The following SLC14A2 variants were observed in gnomAD, a reference collection of about 807,000 sequenced individuals.
The protein encoded by SLC14A2 is urea transporter 2.
In SLC14A2, 91 loss-of-function variants were observed where a neutral mutation model predicts 104.6. The observed-to-expected ratio is 0.87, with a 90% CI of 0.73 to 1.04. SLC14A2 has a LOEUF of 1.04. Ranked by LOEUF, SLC14A2 falls within the 50% of genes least tolerant of loss-of-function variation. SLC14A2 has a pLI of 0.00. For missense variants in SLC14A2, 1,189 were observed against 1,156.0 expected (o/e 1.03, Z -0.41); for synonymous variants, 476 against 466.4 (o/e 1.02, Z -0.27).
intron 2 of SLC14A2, among the ~76,000 whole-genome samples, chr18:45,494,648 C>T (rs147458639): frequency 1.3e-5 from 2 of 152,110 alleles, no homozygotes; most frequent in African/African-American, 4.8e-5. Flanking sequence ...GTTGATCTGC[C>T]TGCCTCAGTC....
intron 1 of SLC14A2, among the ~76,000 whole-genome samples, chr18:45,476,982 G>A (rs1369210320): frequency 6.6e-6 from 1 of 152,164 alleles, no homozygotes; most frequent in African/African-American, 2.4e-5. Flanking sequence ...GCCTACTTCT[G>A]TCAATTCATC....
intron 1 of SLC14A2, among the ~76,000 whole-genome samples, chr18:45,358,253 A>G (rs1034335381): frequency 1.3e-5 from 2 of 152,038 alleles, no homozygotes. Flanking sequence ...TTGCAGCCAC[A>G]CTCTCTAATG....
intron 1 of SLC14A2, among the ~76,000 whole-genome samples, chr18:45,313,631 C>T (rs1029459769): frequency 1.3e-5 from 2 of 152,150 alleles, no homozygotes; most frequent in Non-Finnish European, 2.9e-5. Context: ...AGCTACAGTG[C>T]CTCAGTTTCC....
At chr18:45,267,790 A>G (rs1036248463) in intron 1 of SLC14A2, among the ~76,000 whole-genome samples, 5 of 152,182 alleles carry the variant, frequency 3.3e-5, no homozygotes, top group African/African-American at 1.2e-4. Flanking sequence ...CACTGAGGAC[A>G]CTTAGATTGC....
intron 1 of SLC14A2, among the ~76,000 whole-genome samples, chr18:45,233,264 G>GAA (rs2084192895): frequency 6.6e-6 from 1 of 152,134 alleles, no homozygotes; most frequent in African/African-American, 2.4e-5. Flanking sequence ...TTCACAAGTT[G>GAA]ACCTCTTAAG....
chr18:45,383,401 G>A (rs926062779), intron 1 of SLC14A2, among the ~76,000 whole-genome samples: 1 of 152,148 alleles, frequency 6.6e-6, no homozygotes, highest in Non-Finnish European at 1.5e-5. Flanking sequence ...CAAGCTCATA[G>A]AATCCCAAAG....
In SLC14A2 at chr18:45,673,764, G is replaced by T; in HGVS notation, c.2459G>T (p.Gly820Val). 1.2e-6 allele frequency: 2 copies of T among 1,614,202 alleles called. No individual in the cohort carries two copies. The highest frequency in any genetic ancestry group is 1.7e-6 in the Non-Finnish European group (2 of 1,180,022). ...FNSTLACIAI[G>V]GMFYVITWQT... ...AGCACCCTCGCATGCATAGCGATAG[G>T]AGGCATGTTCTACGTCATCACCTGG... is the stretch of plus-strand genomic sequence containing the variant. The change falls in exon 18 of 20, where the codon GGA becomes GTA. Residue 820 changes from glycine to valine, a missense_variant. Gly to Val is a moderately radical substitution (Grantham distance 109). Coordinates refer to ENST00000255226, the MANE Select transcript of SLC14A2 (RefSeq NM_007163.4).
chr18:45,223,572 T>C (rs370442273), intron 1 of SLC14A2, among the ~76,000 whole-genome samples: 3 of 152,238 alleles, frequency 2.0e-5, no homozygotes, highest in East Asian at 3.8e-4. Flanking sequence ...GTTTTCATGA[T>C]GTGTGTGTTG....
intron 1 of SLC14A2, among the ~76,000 whole-genome samples, chr18:45,405,355 T>C (rs529427858): frequency 6.6e-6 from 1 of 152,184 alleles, no homozygotes; most frequent in Non-Finnish European, 1.5e-5. Context: ...CTAGGCACTA[T>C]GTACCTCAGT....
At chr18:45,367,555 A>G (rs1307400529) in intron 1 of SLC14A2, among the ~76,000 whole-genome samples, 2 of 152,244 alleles carry the variant, frequency 1.3e-5, no homozygotes, top group Non-Finnish European at 2.9e-5. Context: ...CAACATTTTA[A>G]TGGCCTCATG....
At chr18:45,601,823 T>C (rs2044794749) in intron 2 of SLC14A2, among the ~76,000 whole-genome samples, 1 of 152,242 alleles carries the variant, frequency 6.6e-6, no homozygotes, top group Non-Finnish European at 1.5e-5. Flanking sequence ...AATCTTTAAG[T>C]CTTTTCAGCT....
chr18:45,427,274 A>G (rs2086447706), intron 1 of SLC14A2, among the ~76,000 whole-genome samples: 1 of 151,850 alleles, frequency 6.6e-6, no homozygotes, highest in African/African-American at 2.4e-5. Flanking sequence ...GGGAAAAAAA[A>G]AAGGACTCTC....
At chr18:45,211,468 C>T (rs1407368433), upstream of SLC14A2, among the ~76,000 whole-genome samples, 1 of 152,128 alleles carries the variant, frequency 6.6e-6, no homozygotes, top group Admixed American at 6.6e-5. Flanking sequence ...ACTTCTTTAA[C>T]TTTTAGGGAG....
intron 1 of SLC14A2, among the ~76,000 whole-genome samples, chr18:45,357,692 A>G (rs1331775394): frequency 2.0e-5 from 3 of 152,166 alleles, no homozygotes; most frequent in Non-Finnish European, 1.5e-5. Context: ...AGAGGAGGGA[A>G]GAGAAGCATA....
the SLC14A2 span, among the ~76,000 whole-genome samples, chr18:45,176,064 C>CA: frequency 6.6e-6 from 1 of 151,950 alleles, no homozygotes; most frequent in Non-Finnish European, 1.5e-5. Flanking sequence ...TGCCAATGAG[C>CA]AGACTGCCAA....
intron 2 of SLC14A2, among the ~76,000 whole-genome samples, chr18:45,484,436 C>A (rs950573902): frequency 1.3e-5 from 2 of 152,202 alleles, no homozygotes; most frequent in Non-Finnish European, 1.5e-5. Flanking sequence ...AGCATTAGAA[C>A]CTTCTTGCTG....
intron 1 of SLC14A2, among the ~76,000 whole-genome samples, chr18:45,393,368 T>C (rs920048623): frequency 1.3e-5 from 2 of 152,186 alleles, no homozygotes; most frequent in Non-Finnish European, 2.9e-5. Context: ...TGCCAGTGGT[T>C]GATTCATTCC....
intron 1 of SLC14A2, among the ~76,000 whole-genome samples, chr18:45,481,047 G>A (rs895341882): frequency 5.3e-5 from 8 of 152,036 alleles, no homozygotes; most frequent in African/African-American, 1.7e-4. Flanking sequence ...GTAAGCACTG[G>A]CAGGGTTGTC....
chr18:45,314,672 G>A (rs1412456261), intron 1 of SLC14A2, among the ~76,000 whole-genome samples: 1 of 152,204 alleles, frequency 6.6e-6, no homozygotes, highest in African/African-American at 2.4e-5. Context: ...GGCAATTGCA[G>A]AGAATAGGCA....
Sources: allele counts gnomAD v4.1 joint callset (sites outside exome capture counted in the v4.1 genomes callset), GRCh38; gene constraint gnomAD v4.1.1; transcripts MANE v1.5; gene names NCBI Gene and HGNC (gene_info 2026-07-23, HGNC 2026-07-21).